The following CPNE4 variants were observed in gnomAD, a reference collection of about 807,000 sequenced individuals.
CPNE4 encodes the protein copine 4, also known as copine-4.
Under a neutral mutation model 67.9 loss-of-function variants are expected in CPNE4, and 25 were observed. The ratio of observed to expected loss-of-function variants is 0.37; its 90% CI spans 0.27 to 0.51. CPNE4 has a LOEUF of 0.51. CPNE4 is among the 20% of genes least tolerant of loss of function. CPNE4 has a pLI of 0.93. For missense variants in CPNE4, 464 were observed against 690.8 expected, an observed-to-expected ratio of 0.67 and a Z score of 3.68; for synonymous variants, 242 against 244.9, an observed-to-expected ratio of 0.99 and a Z score of 0.11.
At chr3:131,580,478 A>G (rs1240429008) in intron 9 of CPNE4, among the ~76,000 whole-genome samples, 1 of 151,138 alleles carries the variant, frequency 6.6e-6, no homozygotes, top group African/African-American at 2.5e-5. Flanking sequence ...GTATGCCTGT[A>G]TACACACACA....
chr3:131,713,741 G>A (rs2081615600), intron 3 of CPNE4, among the ~76,000 whole-genome samples: 1 of 152,136 alleles, frequency 6.6e-6, no homozygotes, highest in Admixed American at 6.5e-5. Context: ...AAAGCAGAGG[G>A]ATGTTTCTAG....
rs149211309 is a variant in CPNE4 at position 131,823,971 on chromosome 3, A to T, written c.180+81293T>A. Reference sequence around the variant, plus strand: ...GATTACAATGAATTCTTGTTAAATGAATGAATGAATGAGGGCTTGTTTCTT... The same window carrying T: ...GATTACAATGAATTCTTGTTAAATGTATGAATGAATGAGGGCTTGTTTCTT... On this transcript the variant is annotated intron_variant, in intron 2 of 15. Coordinates refer to ENST00000429747, the MANE Select transcript of CPNE4 (RefSeq NM_130808.3). Among the ~76,000 whole-genome samples, 677 of 152,312 alleles carry T rather than the reference A, an allele frequency of 4.4e-3. 5 individuals are homozygous for T. The highest frequency in any genetic ancestry group is 0.016 in the African/African-American group (651 of 41,568).
At chr3:131,835,115 G>C (rs753417919) in intron 2 of CPNE4, among the ~76,000 whole-genome samples, 13 of 152,198 alleles carry the variant, frequency 8.5e-5, no homozygotes, top group Non-Finnish European at 1.3e-4. Flanking sequence ...TCAAAAAGAT[G>C]GTTGGGCTAG....
intron 2 of CPNE4, among the ~76,000 whole-genome samples, chr3:131,847,589 G>T (rs577834226): frequency 4.0e-4 from 61 of 152,156 alleles, no homozygotes; most frequent in Middle Eastern, 3.4e-3. Flanking sequence ...CCAAAATATA[G>T]GTCCATTCAA....
At chr3:131,710,341 A>AT (rs2081526949) in intron 3 of CPNE4, among the ~76,000 whole-genome samples, 1 of 152,188 alleles carries the variant, frequency 6.6e-6, no homozygotes, top group Non-Finnish European at 1.5e-5. Context: ...TGGAGTGTCC[A>AT]TTTGCAGATA....
chr3:131,555,243 T>G (rs1429841686), intron 12 of CPNE4, among the ~76,000 whole-genome samples: 1 of 151,978 alleles, frequency 6.6e-6, no homozygotes, highest in African/African-American at 2.4e-5. Context: ...CTGACCACAT[T>G]TATAAGAAAC....
intron 13 of CPNE4, among the ~76,000 whole-genome samples, chr3:131,550,568 A>G (rs1936117170): frequency 6.6e-6 from 1 of 152,120 alleles, no homozygotes; most frequent in African/African-American, 2.4e-5. Flanking sequence ...TGACTCTAGT[A>G]GATACTACCC....
At chr3:131,998,965 G>A (rs1048352593) in intron 1 of CPNE4, among the ~76,000 whole-genome samples, 18 of 151,976 alleles carry the variant, frequency 1.2e-4, no homozygotes, top group Admixed American at 1.2e-3. Flanking sequence ...GAAATGCTAT[G>A]CAGCTAATTA....
intron 8 of CPNE4, among the ~76,000 whole-genome samples, chr3:131,582,395 T>C (rs1937896626): frequency 6.6e-6 from 1 of 152,124 alleles, no homozygotes; most frequent in Non-Finnish European, 1.5e-5. Flanking sequence ...ACAAAACCAA[T>C]TGTGAATCAA....
At position 131,672,517 on chromosome 3, in the gene CPNE4, A is replaced by G. The variant is rs529008952; in HGVS notation, c.592-2753T>C. ...ATTATGGCCTTTTGAATTTATCCAA[A>G]AAAGTTAATATTAACTGAGGTGAGT... On this transcript the variant is annotated intron_variant, in intron 6 of 15. Transcript: ENST00000429747. Among the ~76,000 whole-genome samples, 3 of 152,184 alleles carry G rather than the reference A, an allele frequency of 2.0e-5. No homozygotes were observed. In the East Asian group the frequency reaches 5.8e-4, roughly 29 times the overall value.
At chr3:131,986,477 A>G (rs1014907511) in intron 1 of CPNE4, among the ~76,000 whole-genome samples, 1 of 152,218 alleles carries the variant, frequency 6.6e-6, no homozygotes, top group African/African-American at 2.4e-5. Flanking sequence ...GGAAGATAAG[A>G]GATGAGAAAA....
chr3:131,962,171 T>G (rs1292892043), intron 1 of CPNE4, among the ~76,000 whole-genome samples: 1 of 152,228 alleles, frequency 6.6e-6, no homozygotes, highest in African/African-American at 2.4e-5. Flanking sequence ...CCCTGCCTTT[T>G]TCTATGATCC....
intron 11 of CPNE4, among the ~76,000 whole-genome samples, chr3:131,560,361 A>C (rs1936696520): frequency 6.6e-6 from 1 of 151,994 alleles, no homozygotes; most frequent in South Asian, 2.1e-4. Flanking sequence ...ATCCCTGTTG[A>C]TTCTGTCCTC....
chr3:132,033,569 C>A (rs1378325702), intron 1 of CPNE4, among the ~76,000 whole-genome samples: 1 of 152,212 alleles, frequency 6.6e-6, no homozygotes, highest in Non-Finnish European at 1.5e-5. Context: ...TAGATTTGCG[C>A]CCCTTGGATC....
intron 2 of CPNE4, among the ~76,000 whole-genome samples, chr3:131,816,536 TCGAATCC>T (rs2084750543): frequency 2.6e-5 from 4 of 152,162 alleles, no homozygotes; most frequent in African/African-American, 9.7e-5. Flanking sequence ...TGAGTTAGAT[TCGAATCC>T]CCACCACTTT....
Position 131,596,139 on chromosome 3 carries a change from TTC to T in CPNE4, c.682-8559_682-8558del, listed in dbSNP as rs898547628. On this transcript the variant is annotated intron_variant, in intron 7 of 15. Coordinates refer to ENST00000429747, the MANE Select transcript of CPNE4 (RefSeq NM_130808.3). ...AAGTGAGTAGATCTCATTTTAAGTG[TTC>T]TAACAAACAAACAAACAAACAAATA... Among the ~76,000 whole-genome samples, 53 of 149,034 alleles carry T rather than the reference TTC, an allele frequency of 3.6e-4. 1 individual carries two copies. Among genetic ancestry groups the T allele is most frequent in the Admixed American group, 4.6e-4 (7 of 15,106 alleles).
intron 7 of CPNE4, among the ~76,000 whole-genome samples, chr3:131,613,544 T>C (rs944878186): frequency 3.9e-5 from 6 of 152,202 alleles, no homozygotes; most frequent in African/African-American, 1.2e-4. Flanking sequence ...GAGGGGAAAA[T>C]TGGCAAATAT....
chr3:131,538,264 A>C (rs1935280125), intron 15 of CPNE4, among the ~76,000 whole-genome samples: 1 of 152,240 alleles, frequency 6.6e-6, no homozygotes, highest in South Asian at 2.1e-4. Flanking sequence ...AAATAAAGCA[A>C]GTCTGACTGA....
chr3:131,676,440 C>T (rs1240211440), intron 6 of CPNE4, among the ~76,000 whole-genome samples: 2 of 151,954 alleles, frequency 1.3e-5, no homozygotes, highest in African/African-American at 4.8e-5. Flanking sequence ...TAAGTAAATG[C>T]GTTGAATGGG....
Sources: gnomAD v4.1 joint callset for allele counts (sites outside exome capture counted in the v4.1 genomes callset) on GRCh38, gnomAD v4.1.1 for gene constraint, MANE v1.5 for transcripts, NCBI Gene and HGNC (gene_info 2026-07-23, HGNC 2026-07-21) for gene names.